The following MCF2L variants were observed in gnomAD, a reference collection of about 807,000 sequenced individuals.
MCF2L encodes MCF.2 cell line derived transforming sequence like.
A neutral mutation model predicts 153.4 loss-of-function variants in MCF2L; 97 were observed. The ratio of observed to expected loss-of-function variants is 0.63; its 90% confidence interval spans 0.54 to 0.75. The LOEUF (loss-of-function observed/expected upper bound fraction) is 0.75, where lower values mean the gene tolerates loss of function less well. MCF2L is among the 30% of genes least tolerant of loss of function. The pLI, the probability that MCF2L is intolerant of heterozygous loss-of-function variation, is 0.00. For synonymous variants in MCF2L, 659 were observed against 632.2 expected (o/e 1.04, Z -0.64); for missense variants, 1,347 against 1,495.2 (o/e 0.90, Z 1.64).
At chr13:112,962,395 G>A in intron 2 of MCF2L, among the ~76,000 whole-genome samples, 1 of 152,208 alleles carries the variant, frequency 6.6e-6, no homozygotes, top group East Asian at 1.9e-4. Context: ...TGTCTCCTCG[G>A]AGGCCTGCAT....
chr13:112,918,291 T>C (rs2081316092), intron 2 of MCF2L, among the ~76,000 whole-genome samples: 2 of 152,134 alleles, frequency 1.3e-5, no homozygotes, highest in Admixed American at 6.5e-5. Context: ...ACCCTAACAC[T>C]GGGGATGGGG....
At chr13:112,987,877 C>T (rs543428576) in intron 1 of MCF2L, among the ~76,000 whole-genome samples, 1 of 152,270 alleles carries the variant, frequency 6.6e-6, no homozygotes, top group Admixed American at 6.5e-5. Flanking sequence ...ATGACCAGAA[C>T]TGACCCTGCC....
At chr13:112,971,960 T>C (rs907999616) in intron 1 of MCF2L, among the ~76,000 whole-genome samples, 1 of 152,262 alleles carries the variant, frequency 6.6e-6, no homozygotes, top group African/African-American at 2.4e-5. Flanking sequence ...CTACAGCATG[T>C]ACATGCGTCA....
chr13:112,916,547 G>A (rs759677750), intron 2 of MCF2L, among the ~76,000 whole-genome samples: 3 of 152,142 alleles, frequency 2.0e-5, no homozygotes, highest in Admixed American at 6.5e-5. Context: ...CTGACCCCTC[G>A]GCTCCCGTGT....
intron 21 of MCF2L, among the ~76,000 whole-genome samples, chr13:113,086,797 A>G (rs1215921022): frequency 6.6e-6 from 1 of 151,726 alleles, no homozygotes; most frequent in African/African-American, 2.4e-5. Flanking sequence ...GGTTTGTGAG[A>G]TAATTGAGTA....
chr13:112,967,307 G>T (rs1463975179), upstream of MCF2L, among the ~76,000 whole-genome samples: 1 of 152,122 alleles, frequency 6.6e-6, no homozygotes, highest in South Asian at 2.1e-4. Flanking sequence ...TTGTGCCGCC[G>T]TAGGCACCCT....
At chr13:112,926,335 C>T (rs1400419666) in intron 2 of MCF2L, among the ~76,000 whole-genome samples, 1 of 151,866 alleles carries the variant, frequency 6.6e-6, no homozygotes, top group Non-Finnish European at 1.5e-5. Flanking sequence ...ACGGCCTGGT[C>T]TACATACACA....
intron 2 of MCF2L, among the ~76,000 whole-genome samples, chr13:112,938,213 G>T (rs1323304536): frequency 7.9e-5 from 7 of 88,052 alleles, no homozygotes; most frequent in East Asian, 3.2e-4. Flanking sequence ...TGAGCGCTGA[G>T]GGGTTGGTTC....
At chr13:113,006,812 G>A (rs1055228357) in intron 1 of MCF2L, among the ~76,000 whole-genome samples, 18 of 152,210 alleles carry the variant, frequency 1.2e-4, no homozygotes, top group African/African-American at 3.1e-4. Flanking sequence ...CAGGAGGCTC[G>A]GCCTGGAGCC....
At chr13:112,998,018 G>A (rs1327344396) in intron 1 of MCF2L, among the ~76,000 whole-genome samples, 1 of 152,250 alleles carries the variant, frequency 6.6e-6, no homozygotes, top group African/African-American at 2.4e-5. Context: ...GAGCCCATGT[G>A]TGCGGGGCCT....
In MCF2L at chr13:113,028,504, G is replaced by C; in HGVS notation, c.278+3746G>C. ...CCACCTCTGTAGATTGCGCATCTGT[G>C]AGTCGCACAGCCTGGTCTGGCTGAA... On this transcript the variant is annotated intron_variant, in intron 3 of 29. Coordinates refer to ENST00000535094, the MANE Select transcript of MCF2L (RefSeq NM_001112732.3). This position sits in a 1 kb window ranked among gnomAD's most constrained non-coding sequence, Gnocchi z 5.4. 6.6e-6 allele frequency among the ~76,000 whole-genome samples: 1 copy of C among 152,206 alleles called. No individual in the cohort carries two copies. The highest frequency in any genetic ancestry group is 1.9e-4 in the East Asian group (1 of 5,192).
rs553112643 is a variant in MCF2L at position 113,075,344 on chromosome 13, G to A, written c.1308+155G>A. ...TCGTTTCTGGTCTTGTTGGCCTAGA[G>A]GGTCTTTTTCTAGAATTCATTTGCC... On this transcript the variant is annotated intron_variant, in intron 11 of 29. Transcript: ENST00000535094. Among the ~76,000 whole-genome samples the A allele has an allele frequency of 5.3e-5, 8 of 152,084 alleles. No individual in the cohort carries two copies. In the South Asian group the frequency reaches 1.7e-3, roughly 32 times the overall value.
intron 11 of MCF2L, 59 bp downstream of exon 11, chr13:113,075,248 C>T: frequency 6.9e-7 from 1 of 1,453,424 alleles, no homozygotes; most frequent in Non-Finnish European, 9.3e-7. Flanking sequence ...CCTCTTCCTC[C>T]CACATCCACC....
At chr13:112,939,726 C>T (rs2081556223) in intron 2 of MCF2L, among the ~76,000 whole-genome samples, 1 of 152,114 alleles carries the variant, frequency 6.6e-6, no homozygotes, top group Non-Finnish European at 1.5e-5. Flanking sequence ...GCCTGTAATC[C>T]CAGCACTTTG....
At chr13:112,909,182 C>T in intron 2 of MCF2L, 2 of 777,436 alleles carry the variant, frequency 2.6e-6, no homozygotes, top group Non-Finnish European at 4.8e-6. Flanking sequence ...AAAAACACTG[C>T]CTGTTCCCGA....
intron 2 of MCF2L, among the ~76,000 whole-genome samples, chr13:112,912,783 G>A (rs1020287103): frequency 6.6e-6 from 1 of 152,048 alleles, no homozygotes; most frequent in Non-Finnish European, 1.5e-5. Flanking sequence ...GTCTGTGTGT[G>A]TGTCTGTGGT....
At chr13:112,937,370 T>G (rs2081525676) in intron 2 of MCF2L, among the ~76,000 whole-genome samples, 2 of 152,238 alleles carry the variant, frequency 1.3e-5, no homozygotes, top group Non-Finnish European at 2.9e-5. Flanking sequence ...AATTATAGTA[T>G]GGTGGACGTT....
At chr13:112,942,259 A>G (rs2081583053) in intron 2 of MCF2L, among the ~76,000 whole-genome samples, 1 of 152,314 alleles carries the variant, frequency 6.6e-6, no homozygotes, top group South Asian at 2.1e-4. Context: ...TGAAAGTACT[A>G]AAAGTCTCTG....
At chr13:112,964,233 T>C (rs191747659), upstream of MCF2L, among the ~76,000 whole-genome samples, 15 of 152,370 alleles carry the variant, frequency 9.8e-5, no homozygotes, top group South Asian at 1.2e-3. Context: ...GTTGCCCACG[T>C]TGATGTCAAG....
Sources: allele counts gnomAD v4.1 joint callset (sites outside exome capture counted in the v4.1 genomes callset), GRCh38; gene constraint gnomAD v4.1.1; non-coding constraint Gnocchi (gnomAD v3.1); transcripts MANE v1.5; gene names NCBI Gene and HGNC (gene_info 2026-07-23, HGNC 2026-07-21).